The following LYPD6B variants were observed in gnomAD, a reference collection of about 807,000 sequenced individuals.
The protein encoded by LYPD6B is LY6/PLAUR domain containing 6B, also known as ly6/PLAUR domain-containing protein 6B.
A neutral mutation model predicts 22.8 loss-of-function variants in LYPD6B; 17 were observed. That is an observed-to-expected ratio of 0.75 (90% confidence interval 0.51 to 1.12). LYPD6B has a LOEUF of 1.12. Ranked by LOEUF, LYPD6B falls within the 50% of genes most tolerant of loss-of-function variation. LYPD6B has a pLI of 0.00. For missense variants in LYPD6B, 221 were observed against 258.3 expected (o/e 0.86, Z 0.99); for synonymous variants, 106 against 91.6 (o/e 1.16, Z -0.90).
chr2:149,051,904 G>A (rs1683580580), intron 1 of LYPD6B, among the ~76,000 whole-genome samples: 1 of 151,872 alleles, frequency 6.6e-6, no homozygotes. Flanking sequence ...GACCTCAAGT[G>A]ATCTGCCCGC....
intron 1 of LYPD6B, among the ~76,000 whole-genome samples, chr2:149,120,360 T>C (rs985026801): frequency 5.2e-5 from 2 of 38,514 alleles, no homozygotes; most frequent in Admixed American, 2.9e-4. Flanking sequence ...TGTGTGTGTG[T>C]GTATATATAT....
intron 1 of LYPD6B, among the ~76,000 whole-genome samples, chr2:149,079,037 G>T (rs1685002993): frequency 6.8e-6 from 1 of 146,648 alleles, no homozygotes; most frequent in South Asian, 2.2e-4. Context: ...TATTTAAAAT[G>T]CCATTACTTA....
At chr2:149,092,782 C>T (rs747558304) in intron 1 of LYPD6B, among the ~76,000 whole-genome samples, 4 of 152,334 alleles carry the variant, frequency 2.6e-5, no homozygotes, top group East Asian at 3.9e-4. Context: ...GAGGGCCCTG[C>T]TCAGGATGGT....
intron 1 of LYPD6B, among the ~76,000 whole-genome samples, chr2:149,045,424 T>C (rs145890092): frequency 4.8e-4 from 73 of 152,172 alleles, no homozygotes; most frequent in Admixed American, 1.0e-3. Context: ...TGATTTCTGC[T>C]CTTATTTTAT....
intron 5 of LYPD6B, among the ~76,000 whole-genome samples, chr2:149,212,623 T>G (rs902572977): frequency 6.6e-6 from 1 of 152,134 alleles, no homozygotes; most frequent in Non-Finnish European, 1.5e-5. Context: ...TTTCATTTTA[T>G]TTTAGATTTC....
At chr2:149,076,133 C>T (rs753557868) in intron 1 of LYPD6B, among the ~76,000 whole-genome samples, 1 of 152,038 alleles carries the variant, frequency 6.6e-6, no homozygotes, top group African/African-American at 2.4e-5. Context: ...GAAAGTGAAA[C>T]GTCAGGATTT....
chr2:149,041,248 C>T (rs577199516), intron 1 of LYPD6B, among the ~76,000 whole-genome samples: 2 of 152,194 alleles, frequency 1.3e-5, no homozygotes, highest in South Asian at 2.1e-4. Context: ...GTAGGTCGTT[C>T]GAAGTGGCCA....
chr2:149,169,254 A>G (rs1031712313), intron 3 of LYPD6B, among the ~76,000 whole-genome samples: 4 of 152,086 alleles, frequency 2.6e-5, no homozygotes. Flanking sequence ...CTTCTCTTGG[A>G]CATGTCTCTT....
rs201022861 is a variant in LYPD6B, at chr2:149,205,335, G to C, written c.160G>C (p.Val54Leu). The C allele has an allele frequency of 6.2e-7, 1 of 1,613,974 alleles. No individual in the cohort carries two copies. The highest frequency in any genetic ancestry group is 1.3e-5 in the African/African-American group (1 of 75,050). Residue 54 changes from valine to leucine, a missense_variant, in exon 4 of 7, where the codon GTT (valine) becomes CTT (leucine). Coordinates refer to ENST00000409642, the MANE Select transcript of LYPD6B (RefSeq NM_177964.5). ...HALAIAVVQI[V>L]IFSESWAFAK... Reference sequence around the variant, plus strand: ...TCTCGCTATAGCTGTTGTCCAGATCGTTATCTTCTCAGAAAGCTGGGCATT... The same window carrying C: ...TCTCGCTATAGCTGTTGTCCAGATCCTTATCTTCTCAGAAAGCTGGGCATT...
At chr2:149,144,565 T>C (rs916514201) in intron 2 of LYPD6B, among the ~76,000 whole-genome samples, 16 of 152,118 alleles carry the variant, frequency 1.1e-4, no homozygotes, top group African/African-American at 3.9e-4. Flanking sequence ...CTAATTTTTG[T>C]ATTTTTAGTA....
intron 1 of LYPD6B, among the ~76,000 whole-genome samples, chr2:149,118,472 G>A (rs1687118068): frequency 6.6e-6 from 1 of 152,132 alleles, no homozygotes; most frequent in South Asian, 2.1e-4. Context: ...ACTTGAGATT[G>A]CCTTGATGCA....
At chr2:149,098,643 A>AGAAAG (rs1553482535) in intron 1 of LYPD6B, among the ~76,000 whole-genome samples, 1 of 130,958 alleles carries the variant, frequency 7.6e-6, no homozygotes, top group African/African-American at 2.9e-5. Context: ...AAAAAAAAAA[A>AGAAAG]AAAAAAGAAA....
intron 1 of LYPD6B, among the ~76,000 whole-genome samples, chr2:149,073,717 G>T (rs555057154): frequency 1.3e-5 from 2 of 152,132 alleles, no homozygotes; most frequent in Admixed American, 6.5e-5. Flanking sequence ...ACTTCTATAG[G>T]TACCTGCTGG....
chr2:149,068,786 A>G, intron 1 of LYPD6B: 1 of 483,272 alleles, frequency 2.1e-6, no homozygotes, highest in Admixed American at 2.2e-5. Context: ...GAGGGAATGA[A>G]ACAAAGGCTC....
intron 3 of LYPD6B, among the ~76,000 whole-genome samples, chr2:149,191,877 C>A (rs1211784293): frequency 6.6e-6 from 1 of 152,060 alleles, no homozygotes; most frequent in African/African-American, 2.4e-5. Flanking sequence ...AACATAAAAG[C>A]CTGAAGCTTG....
intron 3 of LYPD6B, among the ~76,000 whole-genome samples, chr2:149,194,832 A>C (rs1692709154): frequency 6.6e-6 from 1 of 152,172 alleles, no homozygotes; most frequent in African/African-American, 2.4e-5. Context: ...CAAAGAGGGA[A>C]GCCAAGGAGA....
chr2:149,128,633 G>T (rs1442435266), intron 1 of LYPD6B, among the ~76,000 whole-genome samples: 1 of 152,194 alleles, frequency 6.6e-6, no homozygotes, highest in African/African-American at 2.4e-5. Context: ...ATTTCCTAAT[G>T]AATGGTGGTA....
chr2:149,041,865 AG>A (rs1380889976), intron 1 of LYPD6B, among the ~76,000 whole-genome samples: 1 of 152,176 alleles, frequency 6.6e-6, no homozygotes, highest in African/African-American at 2.4e-5. Context: ...AACCTGGAAA[AG>A]CTTCTCTGAG....
chr2:149,211,127 C>A (rs1693826210), intron 5 of LYPD6B, among the ~76,000 whole-genome samples: 1 of 152,066 alleles, frequency 6.6e-6, no homozygotes, highest in Admixed American at 6.5e-5. Flanking sequence ...CAGTTTTAGA[C>A]AAGCAGATCT....
Sources: allele counts gnomAD v4.1 joint callset (sites outside exome capture counted in the v4.1 genomes callset), GRCh38; gene constraint gnomAD v4.1.1; transcripts MANE v1.5; gene names NCBI Gene and HGNC (gene_info 2026-07-23, HGNC 2026-07-21).